Variants in CPSF6 observed in about 807,000 individuals in gnomAD.
CPSF6 encodes the protein cleavage and polyadenylation specific factor 6, also known as cleavage and polyadenylation specificity factor subunit 6.
In CPSF6, 10 loss-of-function variants were observed where a neutral mutation model predicts 56.7. The ratio of observed to expected loss-of-function variants is 0.18; its 90% CI spans 0.11 to 0.30. CPSF6 has a LOEUF of 0.30. Among genes scored for constraint, CPSF6 ranks in the 10% least tolerant of loss-of-function variants. The pLI, the probability that CPSF6 is intolerant of heterozygous loss-of-function variation, is 1.00. For missense variants in CPSF6, 419 were observed against 722.9 expected (o/e 0.58, Z 4.82); for synonymous variants, 248 against 244.8 (o/e 1.01, Z -0.12).
At chr12:69,249,483 T>TA (rs1194475969) in intron 1 of CPSF6, among the ~76,000 whole-genome samples, 1 of 152,050 alleles carries the variant, frequency 6.6e-6, no homozygotes, top group Non-Finnish European at 1.5e-5. Context: ...AGCTCCTCCA[T>TA]ATGTGCCATT....
chr12:69,263,375 G>A (rs1872833216), intron 9 of CPSF6, among the ~76,000 whole-genome samples: 1 of 151,954 alleles, frequency 6.6e-6, no homozygotes, highest in Non-Finnish European at 1.5e-5. Context: ...GAAGTGGGAA[G>A]AGTTGTCTGT....
chr12:69,250,953 C>G (rs996201903), intron 1 of CPSF6, 176 bp from the exon 2 acceptor site: 10 of 232,968 alleles, frequency 4.3e-5, no homozygotes, highest in African/African-American at 2.3e-4. Context: ...GCAAGAAATT[C>G]ACTTTTTAGA....
chr12:69,253,512 A>T (rs988607668), intron 3 of CPSF6, among the ~76,000 whole-genome samples: 44 of 152,258 alleles, frequency 2.9e-4, no homozygotes, highest in African/African-American at 1.0e-3. Flanking sequence ...TGTTACATGG[A>T]TATTTTGCTT....
intron 3 of CPSF6, among the ~76,000 whole-genome samples, chr12:69,254,790 A>C (rs1872428601): frequency 6.6e-6 from 1 of 152,198 alleles, no homozygotes; most frequent in African/African-American, 2.4e-5. Context: ...AAAGAGCTTA[A>C]GCTTCTTAAG....
intron 9 of CPSF6, among the ~76,000 whole-genome samples, chr12:69,269,005 T>G (rs971421816): frequency 1.3e-5 from 2 of 151,922 alleles, no homozygotes; most frequent in African/African-American, 2.4e-5. Flanking sequence ...GAACACCATT[T>G]GATTTATAAT....
At chr12:69,244,695 C>CT (rs78489825) in intron 1 of CPSF6, among the ~76,000 whole-genome samples, 102 of 149,352 alleles carry the variant, frequency 6.8e-4, no homozygotes, top group African/African-American at 1.9e-3. Context: ...TGAACCTGGT[C>CT]TTTTTTTTTT....
Position 69,271,838 on chromosome 12 carries a change from T to G in CPSF6, c.*2330T>G, listed in dbSNP as rs939409285. 4.0e-5 allele frequency: 6 copies of G among 151,782 alleles called. No individual in the cohort carries two copies. Among genetic ancestry groups the G allele is most frequent in the African/African-American group, 1.4e-4 (6 of 41,436 alleles). The allele number at this position is 151,782 out of a possible 1,614,324, so 9.4% of individuals were successfully genotyped here. A position where few individuals can be genotyped will look rare whatever the true frequency, so the allele number is the denominator to read the frequency against. ...TAATGTTATTTGAAAACTCTTCCTT[T>G]TTTTAATGTGTAAAAACAATCCAAA... On this transcript the variant is annotated 3_prime_UTR_variant, in exon 10 of 10. Transcript: ENST00000435070.
Position 69,249,155 on chromosome 12 carries a change from G to GT in CPSF6, c.61-1974_61-1973insT, listed in dbSNP as rs1045026843. ...GGCGCCTGTAGTCCCAGCTACTCGG[G>GT]GGGGGGGGGGGGGGCTGAGGCAGGA... On this transcript the variant is annotated intron_variant, in intron 1 of 9. Coordinates refer to ENST00000435070, the MANE Select transcript of CPSF6 (RefSeq NM_007007.3). 2.8e-4 allele frequency among the ~76,000 whole-genome samples: 8 copies of GT among 28,700 alleles called. 2 individuals carry two copies. Among genetic ancestry groups the GT allele is most frequent in the Non-Finnish European group, 5.2e-4 (8 of 15,328 alleles). The allele number at this position is 28,700 out of a possible 152,430, so 18.8% of individuals were successfully genotyped here.
chr12:69,254,685 A>G (rs894751464), intron 3 of CPSF6, among the ~76,000 whole-genome samples: 1 of 152,176 alleles, frequency 6.6e-6, no homozygotes, highest in Non-Finnish European at 1.5e-5. Flanking sequence ...TTTTTTCTAA[A>G]TGTTGTGACC....
intron 1 of CPSF6, among the ~76,000 whole-genome samples, chr12:69,247,982 C>T (rs1409272855): frequency 6.6e-6 from 1 of 152,206 alleles, no homozygotes; most frequent in African/African-American, 2.4e-5. Flanking sequence ...GATCAAACCC[C>T]AGGACCATGG....
chr12:69,268,625 T>C (rs915884627), intron 9 of CPSF6, among the ~76,000 whole-genome samples: 2 of 151,836 alleles, frequency 1.3e-5, no homozygotes, highest in Admixed American at 1.3e-4. Flanking sequence ...ATTGAAGTGG[T>C]TTCTTGTCAT....
intron 6 of CPSF6, 137 bp downstream of exon 6, chr12:69,259,231 T>C: frequency 1.6e-6 from 2 of 1,239,870 alleles, no homozygotes; most frequent in Non-Finnish European, 2.2e-6. Context: ...TACCCTGTTT[T>C]AGCTGAAAGA....
Position 69,271,737 on chromosome 12 carries a change from C to T in CPSF6, c.*2229C>T, listed in dbSNP as rs1380792097. The T allele has an allele frequency of 6.6e-6, 1 of 151,688 alleles. No homozygotes were observed. The highest frequency in any genetic ancestry group is 2.1e-4 in the South Asian group (1 of 4,824). The allele number at this position is 151,688 out of a possible 1,614,324, so 9.4% of individuals were successfully genotyped here. ...CAAAGTCCTTCTCTACCTGATAACA[C>T]GTGAATGTATAGCAGTAAAGGTGAA... On this transcript the variant is annotated 3_prime_UTR_variant, in exon 10 of 10. Transcript: ENST00000435070.
At chr12:69,261,520 A>T (rs1360038828) in intron 8 of CPSF6, among the ~76,000 whole-genome samples, 4 of 152,084 alleles carry the variant, frequency 2.6e-5, no homozygotes, top group Non-Finnish European at 5.9e-5. Context: ...AACTGTGATC[A>T]TGTCCCTGCA....
In CPSF6 at chr12:69,271,549, C is replaced by T. The variant is rs753928193; in HGVS notation, c.*2041C>T. ...CCTTTTCATATTTTATCAATGGAAC[C>T]TTTTAATTGCTCCTTCTATATCACT... On this transcript the variant is annotated 3_prime_UTR_variant, in exon 10 of 10. Coordinates refer to ENST00000435070, the MANE Select transcript of CPSF6 (RefSeq NM_007007.3). 2 of 151,534 alleles carry T rather than the reference C, an allele frequency of 1.3e-5. No individual in the cohort carries two copies. Among genetic ancestry groups the T allele is most frequent in the Non-Finnish European group, 3.0e-5 (2 of 67,632 alleles). 9.4% of individuals were successfully genotyped at this position (151,534 alleles called of 1,614,324 possible).
At chr12:69,263,525 A>G (rs979955666) in intron 9 of CPSF6, among the ~76,000 whole-genome samples, 6 of 151,970 alleles carry the variant, frequency 3.9e-5, no homozygotes, top group African/African-American at 1.4e-4. Flanking sequence ...TTTTTTCTTT[A>G]TATGTTGGTT....
At chr12:69,244,229 T>A (rs1421189821) in intron 1 of CPSF6, among the ~76,000 whole-genome samples, 1 of 152,186 alleles carries the variant, frequency 6.6e-6, no homozygotes, top group African/African-American at 2.4e-5. Context: ...TAAACTTACT[T>A]CTTTTTTTTG....
chr12:69,244,223 C>G (rs1315590466), intron 1 of CPSF6, among the ~76,000 whole-genome samples: 6 of 151,960 alleles, frequency 3.9e-5, no homozygotes, highest in Non-Finnish European at 7.4e-5. Flanking sequence ...ATACTGTAAA[C>G]TTACTTCTTT....
chr12:69,253,972 T>TA (rs1872378630), intron 3 of CPSF6, among the ~76,000 whole-genome samples: 1 of 152,204 alleles, frequency 6.6e-6, no homozygotes, highest in African/African-American at 2.4e-5. Context: ...TCTTATTTCT[T>TA]ATATTGCTTA....
Sources: gnomAD v4.1 joint callset for allele counts (sites outside exome capture counted in the v4.1 genomes callset) on GRCh38, gnomAD v4.1.1 for gene constraint, MANE v1.5 for transcripts, NCBI Gene and HGNC (gene_info 2026-07-23, HGNC 2026-07-21) for gene names.